ENDOD1: variants seen among roughly 807,000 people sequenced by gnomAD.
ENDOD1 encodes endonuclease domain containing 1, also known as endonuclease domain-containing 1 protein.
Under a neutral mutation model 6.5 loss-of-function variants are expected in ENDOD1, and 9 were observed. That is an observed-to-expected ratio of 1.39 (90% CI 0.84 to 2.43). The LOEUF (loss-of-function observed/expected upper bound fraction) is 2.43, where lower values mean the gene tolerates loss of function less well. ENDOD1 is among the 30% of genes most tolerant of loss of function. The probability of loss-of-function intolerance (pLI) is 0.00; values close to 1 mark genes in which losing one functional copy is unlikely to be tolerated. For missense variants in ENDOD1, 648 were observed against 635.5 expected (o/e 1.02, Z -0.21); for synonymous variants, 255 against 255.2 (o/e 1.00, Z 0.01).
chr11:95,110,798 C>CT (rs1220118585), intron 1 of ENDOD1, among the ~76,000 whole-genome samples: 1 of 152,168 alleles, frequency 6.6e-6, no homozygotes, highest in Non-Finnish European at 1.5e-5. Flanking sequence ...GTGTAGTCCC[C>CT]TGACTGGTCT....
intron 1 of ENDOD1, among the ~76,000 whole-genome samples, chr11:95,102,368 TAAAAAAAAAA>T (rs34465864): frequency 7.8e-6 from 1 of 129,008 alleles, no homozygotes; most frequent in Admixed American, 8.0e-5. Context: ...CTTTCCTGCT[TAAAAAAAAAA>T]AAAAAAAAGG....
intron 1 of ENDOD1, among the ~76,000 whole-genome samples, chr11:95,105,222 T>C (rs1226937390): frequency 2.0e-5 from 3 of 152,200 alleles, no homozygotes; most frequent in Non-Finnish European, 4.4e-5. Context: ...TTTCTTGGTA[T>C]CCATGAGGGA....
At chr11:95,110,283 C>G (rs79445629) in intron 1 of ENDOD1, among the ~76,000 whole-genome samples, 8,821 of 152,298 alleles carry the variant, frequency 0.058, 340 homozygotes, top group African/African-American at 0.11. Flanking sequence ...TCTCAGAAGA[C>G]GCTGACTCTT....
At chr11:95,109,932 C>T (rs1392218159) in intron 1 of ENDOD1, among the ~76,000 whole-genome samples, 2 of 152,250 alleles carry the variant, frequency 1.3e-5, no homozygotes, top group African/African-American at 4.8e-5. Context: ...GGTTCATATC[C>T]ACCACACCTA....
chr11:95,103,024 C>A (rs1859055914), intron 1 of ENDOD1, among the ~76,000 whole-genome samples: 1 of 151,726 alleles, frequency 6.6e-6, no homozygotes, highest in Non-Finnish European at 1.5e-5. Flanking sequence ...GCTTTCACTG[C>A]TGTCAATATT....
chr11:95,093,509 G>A (rs1435402642), intron 1 of ENDOD1, among the ~76,000 whole-genome samples: 2 of 152,084 alleles, frequency 1.3e-5, no homozygotes, highest in South Asian at 2.1e-4. Context: ...TGCTCTTATA[G>A]TTTTTCTATT....
chr11:95,127,308 A>AT (rs201551204), intron 1 of ENDOD1, among the ~76,000 whole-genome samples: 4,343 of 152,264 alleles, frequency 0.029, 109 homozygotes, highest in Non-Finnish European at 0.045. Context: ...ATAATATTGA[A>AT]TTTTTTTATA....
At chr11:95,107,168 G>A (rs534755468) in intron 1 of ENDOD1, among the ~76,000 whole-genome samples, 3 of 150,770 alleles carry the variant, frequency 2.0e-5, no homozygotes, top group Non-Finnish European at 4.4e-5. Context: ...CTGGGGTTGG[G>A]TGGAGGGGAA....
chr11:95,129,713 A>G lies in ENDOD1; in HGVS notation c.*134A>G. On this transcript the variant is annotated 3_prime_UTR_variant, in exon 2 of 2. Coordinates refer to ENST00000278505, the MANE Select transcript of ENDOD1 (RefSeq NM_015036.3). Reference sequence around the variant, plus strand: ...GTGGGGATGTCTGCTTGTTTTTGCAAAAGAAGATGGCAGAATTTAGACTTG... The same window carrying G: ...GTGGGGATGTCTGCTTGTTTTTGCAGAAGAAGATGGCAGAATTTAGACTTG... 1.1e-6 allele frequency: 1 copy of G among 940,040 alleles called. No homozygotes were observed. The highest frequency in any genetic ancestry group is 1.6e-6 in the Non-Finnish European group (1 of 633,468). 58.2% of individuals were successfully genotyped at this position (940,040 alleles called of 1,614,324 possible).
intron 1 of ENDOD1, among the ~76,000 whole-genome samples, chr11:95,102,912 A>G (rs1000198742): frequency 1.6e-4 from 25 of 152,170 alleles, no homozygotes; most frequent in African/African-American, 5.8e-4. Context: ...GGACTTTCCC[A>G]GTTTTCAGAT....
intron 1 of ENDOD1, among the ~76,000 whole-genome samples, chr11:95,103,104 T>G (rs12363636): frequency 2.0e-5 from 3 of 148,250 alleles, no homozygotes; most frequent in African/African-American, 7.6e-5. Context: ...AGAGTGGGTG[T>G]GTGTGTGTGT....
intron 1 of ENDOD1, among the ~76,000 whole-genome samples, chr11:95,104,923 T>C (rs1239186744): frequency 1.3e-5 from 2 of 152,172 alleles, no homozygotes; most frequent in African/African-American, 2.4e-5. Context: ...GTCACTACGT[T>C]TCTTACACTG....
intron 1 of ENDOD1, among the ~76,000 whole-genome samples, chr11:95,106,039 G>C (rs1442716322): frequency 6.6e-6 from 1 of 152,180 alleles, no homozygotes; most frequent in Non-Finnish European, 1.5e-5. Flanking sequence ...GTATGATCTG[G>C]TCCCTCTCTC....
At chr11:95,124,340 A>C (rs1456433694) in intron 1 of ENDOD1, among the ~76,000 whole-genome samples, 1 of 152,236 alleles carries the variant, frequency 6.6e-6, no homozygotes, top group African/African-American at 2.4e-5. Flanking sequence ...TGAAAGCATT[A>C]AATTGGTAGT....
rs75856506 is a variant in ENDOD1, at chr11:95,094,813, T to G, written c.300+4586T>G. Among the ~76,000 whole-genome samples the G allele has an allele frequency of 4.6e-5, 7 of 152,344 alleles. No homozygotes were observed. The South Asian group carries it at 8.3e-4, about 18-fold the overall frequency. On this transcript the variant is annotated intron_variant, in intron 1 of 1. Transcript: ENST00000278505. ...ACAATCCTGATTCTTACTCCTTAAT[T>G]AAGAGACTTAATTCAGATCCCTGCT...
chr11:95,101,782 C>T (rs1248015032), intron 1 of ENDOD1, among the ~76,000 whole-genome samples: 3 of 152,118 alleles, frequency 2.0e-5, no homozygotes, highest in African/African-American at 7.2e-5. Flanking sequence ...ACCACCATAC[C>T]AATGGAGAAG....
chr11:95,121,250 G>A (rs1167595542), intron 1 of ENDOD1, among the ~76,000 whole-genome samples: 1 of 152,166 alleles, frequency 6.6e-6, no homozygotes, highest in African/African-American at 2.4e-5. Flanking sequence ...CCATCTTGCT[G>A]TGCTCCCTCT....
At chr11:95,101,028 C>T (rs988241372) in intron 1 of ENDOD1, among the ~76,000 whole-genome samples, 2 of 151,920 alleles carry the variant, frequency 1.3e-5, no homozygotes, top group African/African-American at 2.4e-5. Context: ...TTCTAAGTTC[C>T]CTGAAGGCAG....
intron 1 of ENDOD1, among the ~76,000 whole-genome samples, chr11:95,094,109 G>A (rs1858957497): frequency 1.3e-5 from 2 of 148,444 alleles, no homozygotes; most frequent in Admixed American, 6.7e-5. Context: ...AACATGGAAG[G>A]AACTGAATAT....
Sources: gnomAD v4.1 joint callset for allele counts (sites outside exome capture counted in the v4.1 genomes callset) on GRCh38, gnomAD v4.1.1 for gene constraint, MANE v1.5 for transcripts, NCBI Gene and HGNC (gene_info 2026-07-23, HGNC 2026-07-21) for gene names.